Variants in TRPM3 observed in about 807,000 individuals in gnomAD.
TRPM3 encodes long transient receptor potential channel 3.
TRPM3 carries 77 observed loss-of-function variants against 181.2 expected under a neutral mutation model. The observed-to-expected ratio is 0.42, with a 90% confidence interval of 0.35 to 0.51. The LOEUF is 0.51. Among genes scored for constraint, TRPM3 ranks in the 20% least tolerant of loss-of-function variants. The pLI is 0.01. For missense variants in TRPM3, 1,759 were observed against 2,196.7 expected (o/e 0.80, Z 3.98); for synonymous variants, 745 against 796.4 (o/e 0.94, Z 1.09).
At chr9:70,984,979 T>C (rs897635870) in intron 1 of TRPM3, among the ~76,000 whole-genome samples, 3 of 152,240 alleles carry the variant, frequency 2.0e-5, no homozygotes, top group African/African-American at 7.2e-5. Context: ...GCTGTTGGGT[T>C]ATCTCAAATT....
At chr9:70,631,719 T>A (rs2065889472) in intron 12 of TRPM3, among the ~76,000 whole-genome samples, 1 of 152,178 alleles carries the variant, frequency 6.6e-6, no homozygotes. Context: ...CAATTTAAAT[T>A]TCTGATTAAT....
intron 25 of TRPM3, among the ~76,000 whole-genome samples, chr9:70,546,460 A>T (rs1227992456): frequency 1.3e-5 from 2 of 152,164 alleles, no homozygotes; most frequent in Non-Finnish European, 2.9e-5. Context: ...CCCTGCTGGG[A>T]TGCACACAAA....
At chr9:70,698,173 A>G (rs962549156) in intron 8 of TRPM3, among the ~76,000 whole-genome samples, 1 of 146,002 alleles carries the variant, frequency 6.8e-6, no homozygotes, top group African/African-American at 2.5e-5. Context: ...GCATCACCGC[A>G]CTCCAGCTTG....
At chr9:70,888,495 C>T (rs773981646) in intron 1 of TRPM3, among the ~76,000 whole-genome samples, 17 of 151,682 alleles carry the variant, frequency 1.1e-4, no homozygotes, top group Non-Finnish European at 2.2e-4. Flanking sequence ...GAAAAGTTTA[C>T]TATTTTTTAT....
At chr9:71,296,315 A>G (rs377014373) in intron 1 of TRPM3, among the ~76,000 whole-genome samples, 1 of 152,152 alleles carries the variant, frequency 6.6e-6, no homozygotes, top group African/African-American at 2.4e-5. Flanking sequence ...TTCTGCTAGG[A>G]AGACGGAAAA....
At chr9:70,593,759 C>T (rs2058515870) in intron 21 of TRPM3, among the ~76,000 whole-genome samples, 1 of 151,168 alleles carries the variant, frequency 6.6e-6, no homozygotes, top group African/African-American at 2.4e-5. Flanking sequence ...CTAAATTATC[C>T]AGTCGGTTCA....
chr9:71,383,640 G>C (rs1466438583), intron 1 of TRPM3, among the ~76,000 whole-genome samples: 2 of 152,144 alleles, frequency 1.3e-5, no homozygotes, highest in Non-Finnish European at 2.9e-5. Flanking sequence ...ACTGCTTCCA[G>C]CTGGCACTAC....
intron 6 of TRPM3, among the ~76,000 whole-genome samples, chr9:70,814,279 C>G (rs1171347793): frequency 6.6e-6 from 1 of 152,094 alleles, no homozygotes. Context: ...GGTATATGAG[C>G]TGCACCATAA....
At chr9:70,821,866 T>C (rs1015661924) in intron 6 of TRPM3, among the ~76,000 whole-genome samples, 3 of 152,220 alleles carry the variant, frequency 2.0e-5, no homozygotes, top group African/African-American at 7.2e-5. Context: ...TCTACCACTG[T>C]AACTGAACAT....
chr9:71,179,775 G>A (rs150034828), intron 1 of TRPM3, among the ~76,000 whole-genome samples: 53 of 152,050 alleles, frequency 3.5e-4, no homozygotes, highest in African/African-American at 1.2e-3. Flanking sequence ...TTTTCCATTC[G>A]GGGAATATTT....
intron 8 of TRPM3, among the ~76,000 whole-genome samples, chr9:70,750,749 A>G (rs1467206418): frequency 1.3e-5 from 2 of 152,164 alleles, no homozygotes; most frequent in African/African-American, 4.8e-5. Flanking sequence ...AAGGGGAAAC[A>G]TTGTGGAGAT....
intron 22 of TRPM3, among the ~76,000 whole-genome samples, chr9:70,565,179 A>G (rs1238758244): frequency 6.6e-6 from 1 of 152,248 alleles, no homozygotes; most frequent in African/African-American, 2.4e-5. Context: ...TAGTTGGGTG[A>G]CAGCACACCC....
At chr9:70,582,181 C>CGTGTGTGTGTGT (rs3073501) in intron 22 of TRPM3, among the ~76,000 whole-genome samples, 3 of 149,266 alleles carry the variant, frequency 2.0e-5, no homozygotes, top group Non-Finnish European at 4.5e-5. Flanking sequence ...CCACCCTGTG[C>CGTGTGTGTGTGT]GTGTGTGTGT....
intron 22 of TRPM3, among the ~76,000 whole-genome samples, chr9:70,578,702 T>C (rs1312131569): frequency 2.6e-5 from 4 of 152,246 alleles, no homozygotes; most frequent in Non-Finnish European, 5.9e-5. Flanking sequence ...TGGGGCCCCT[T>C]CAGATCTGTC....
chr9:70,635,368 T>C (rs2133470509), intron 11 of TRPM3, 107 bp from the exon 12 acceptor site: 2 of 850,708 alleles, frequency 2.4e-6, no homozygotes, highest in Non-Finnish European at 3.9e-6. Context: ...GGGCAGTTCA[T>C]TAAGATGGAC....
intron 1 of TRPM3, among the ~76,000 whole-genome samples, chr9:71,205,117 G>A (rs1009222607): frequency 6.6e-6 from 1 of 151,978 alleles, no homozygotes; most frequent in African/African-American, 2.4e-5. Flanking sequence ...AATGTTAAAT[G>A]ATGAGTTAAT....
intron 1 of TRPM3, among the ~76,000 whole-genome samples, chr9:71,156,110 T>C (rs998045593): frequency 1.8e-4 from 27 of 152,112 alleles, no homozygotes; most frequent in Non-Finnish European, 2.9e-4. Context: ...AATTGCCATA[T>C]TCTAGCAGTC....
At chr9:71,110,115 C>A (rs759968803) in intron 1 of TRPM3, among the ~76,000 whole-genome samples, 1 of 152,090 alleles carries the variant, frequency 6.6e-6, no homozygotes, top group Non-Finnish European at 1.5e-5. Context: ...CCAATAAGCA[C>A]GAACGATTTA....
At chr9:71,244,523 T>C (rs1436020237) in intron 1 of TRPM3, among the ~76,000 whole-genome samples, 1 of 152,004 alleles carries the variant, frequency 6.6e-6, no homozygotes, top group Admixed American at 6.6e-5. Context: ...ACCCTTGAGG[T>C]GACTTGAGGG....
Sources: gnomAD v4.1 joint callset for allele counts (sites outside exome capture counted in the v4.1 genomes callset) on GRCh38, gnomAD v4.1.1 for gene constraint, MANE v1.5 for transcripts, NCBI Gene and HGNC (gene_info 2026-07-23, HGNC 2026-07-21) for gene names.